Variants in LRRC37A observed in about 807,000 individuals in gnomAD.
LRRC37A encodes leucine-rich repeat-containing protein 37A.
Under a neutral mutation model 35.4 loss-of-function variants are expected in LRRC37A, and 3 were observed. The observed-to-expected ratio is 0.08, with a 90% CI of 0.04 to 0.22. The LOEUF is 0.22. LRRC37A is among the 10% of genes least tolerant of loss of function. LRRC37A has a pLI of 1.00. For missense variants in LRRC37A, 67 were observed against 565.3 expected (o/e 0.12, Z 8.94); for synonymous variants, 23 against 215.0 (o/e 0.11, Z 7.81).
At chr17:46,275,380 CT>C in the LRRC37A span, 2 of 1,006,426 alleles carry the variant, frequency 2.0e-6, no homozygotes, top group South Asian at 1.3e-5. Context: ...ACATGCTGAA[CT>C]TTAGGAAGCT....
the LRRC37A span, among the ~76,000 whole-genome samples, chr17:46,283,073 C>T: frequency 6.6e-6 from 1 of 152,072 alleles, no homozygotes; most frequent in Admixed American, 6.5e-5. Flanking sequence ...GAGGTGAGAT[C>T]ACACCACTGC....
At chr17:46,278,335 T>G in the LRRC37A span, among the ~76,000 whole-genome samples, 71 of 152,322 alleles carry the variant, frequency 4.7e-4, no homozygotes, top group African/African-American at 1.6e-3. Context: ...CACTTAACCA[T>G]TTTCCCACCT....
At chr17:46,252,548 A>G in the LRRC37A span, among the ~76,000 whole-genome samples, 9 of 149,068 alleles carry the variant, frequency 6.0e-5, no homozygotes, top group South Asian at 1.7e-3. Context: ...GTCCCTGGGT[A>G]CTTGAGATTA....
chr17:46,257,213 G>A, the LRRC37A span, among the ~76,000 whole-genome samples: 4,596 of 129,790 alleles, frequency 0.035, no homozygotes, highest in Non-Finnish European at 0.056. Flanking sequence ...TTGGGAGGCC[G>A]AGGAGGGTGG....
chr17:46,273,344 T>C, the LRRC37A span, among the ~76,000 whole-genome samples: 2 of 152,264 alleles, frequency 1.3e-5, no homozygotes, highest in Non-Finnish European at 2.9e-5. Flanking sequence ...TGTTTTCATA[T>C]TGAGTGATTA....
the LRRC37A span, among the ~76,000 whole-genome samples, chr17:46,272,996 T>G: frequency 6.6e-6 from 1 of 152,250 alleles, no homozygotes; most frequent in Non-Finnish European, 1.5e-5. Flanking sequence ...TTACTTTATT[T>G]TTCTAGTATG....
chr17:46,259,019 AT>A, the LRRC37A span, among the ~76,000 whole-genome samples: 23 of 79,448 alleles, frequency 2.9e-4, no homozygotes, highest in African/African-American at 1.1e-3. Context: ...CACCCGGCCT[AT>A]TTTTTTTTTT....
the LRRC37A span, among the ~76,000 whole-genome samples, chr17:46,260,842 C>A: frequency 2.6e-5 from 4 of 152,170 alleles, no homozygotes; most frequent in East Asian, 7.7e-4. Context: ...AGGCTGGTCT[C>A]AAACTCCCGA....
chr17:46,248,823 C>T, the LRRC37A span, among the ~76,000 whole-genome samples: 1 of 151,992 alleles, frequency 6.6e-6, no homozygotes, highest in Non-Finnish European at 1.5e-5. Flanking sequence ...CCTGGCCTCA[C>T]TTATCATATT....
chr17:46,272,709 C>T, the LRRC37A span, among the ~76,000 whole-genome samples: 1 of 152,246 alleles, frequency 6.6e-6, no homozygotes. Context: ...GGCCACCACA[C>T]CTGGCCAGGA....
the LRRC37A span, among the ~76,000 whole-genome samples, chr17:46,271,178 T>G: frequency 6.6e-6 from 1 of 151,244 alleles, no homozygotes; most frequent in Non-Finnish European, 1.5e-5. Context: ...TTTTTTTTTT[T>G]TTTTGAGAAG....
chr17:46,290,385 T>C (rs1235441172), upstream of LRRC37A, among the ~76,000 whole-genome samples: 1 of 152,058 alleles, frequency 6.6e-6, no homozygotes, highest in African/African-American at 2.4e-5. Context: ...CTCAGCCTTT[T>C]AGAATGCTGG....
At chr17:46,279,988 C>A in the LRRC37A span, among the ~76,000 whole-genome samples, 1 of 152,306 alleles carries the variant, frequency 6.6e-6, no homozygotes, top group South Asian at 2.1e-4. Context: ...ATTTGGATTG[C>A]TTACCGCACA....
chr17:46,260,704 A>G, the LRRC37A span: 1 of 993,046 alleles, frequency 1.0e-6, no homozygotes, highest in Non-Finnish European at 1.4e-6. Flanking sequence ...GCTCACCGCA[A>G]CCTCCGCCTC....
the LRRC37A span, chr17:46,267,507 A>G: frequency 1.9e-6 from 3 of 1,612,758 alleles, no homozygotes; most frequent in Admixed American, 3.3e-5. Context: ...CCGTGTCCAG[A>G]GTTTAAACCT....
the LRRC37A span, chr17:46,267,631 G>T: frequency 1.4e-6 from 2 of 1,423,244 alleles, no homozygotes; most frequent in Non-Finnish European, 9.9e-7. Flanking sequence ...ACGGATGGGG[G>T]ACAGTATTGT....
the LRRC37A span, chr17:46,268,696 A>C: frequency 6.8e-7 from 1 of 1,472,676 alleles, no homozygotes; most frequent in Non-Finnish European, 9.0e-7. Flanking sequence ...TGCATTTGAA[A>C]CAACCATCCT....
rs1253972303 is a variant in LRRC37A at position 46,308,112 on chromosome 17, G to T, written c.2906+1803G>T. Among the ~76,000 whole-genome samples the T allele has an allele frequency of 4.7e-5, 3 of 63,670 alleles. 1 individual carries two copies. The Admixed American group carries it at 5.3e-4, about 11-fold the overall frequency. The allele number at this position is 63,670 out of a possible 152,430, so 41.8% of individuals were successfully genotyped here. On this transcript the variant is annotated intron_variant, in intron 5 of 13. Transcript: ENST00000320254. ...CCAGGAAAACACTGGAATCACAGTT[G>T]ATAAAAATTAATGAATTCACTCAAA...
At chr17:46,324,884 G>A (rs1395330729) in intron 7 of LRRC37A, among the ~76,000 whole-genome samples, 7 of 75,732 alleles carry the variant, frequency 9.2e-5, no homozygotes, top group African/African-American at 2.0e-4. Flanking sequence ...ATATGTATAT[G>A]TATGCCTGCA....
Sources: gnomAD v4.1 joint callset for allele counts (sites outside exome capture counted in the v4.1 genomes callset) on GRCh38, gnomAD v4.1.1 for gene constraint, MANE v1.5 for transcripts, NCBI Gene and HGNC (gene_info 2026-07-23, HGNC 2026-07-21) for gene names.